Variants in IFT43 observed in about 807,000 individuals in gnomAD.
IFT43 encodes the protein intraflagellar transport 43.
Under a neutral mutation model 32.3 loss-of-function variants are expected in IFT43, and 33 were observed. The ratio of observed to expected loss-of-function variants is 1.02; its 90% confidence interval spans 0.77 to 1.37. The LOEUF is 1.37. Ranked by LOEUF, IFT43 falls within the 40% of genes most tolerant of loss-of-function variation. The pLI is 0.00. For synonymous variants in IFT43, 93 were observed against 98.2 expected (o/e 0.95, Z 0.31); for missense variants, 274 against 265.9 (o/e 1.03, Z -0.21).
Position 76,058,658 on chromosome 14 carries a change from T to G in IFT43, c.232T>G (p.Ser78Ala), listed in dbSNP as rs1212295033. ...VKASKFRRKASEEIEDFRLRP... is the reference protein window; with the variant it reads ...VKASKFRRKAAEEIEDFRLRP... ...TTTTTTCAGGTTTAGGAGGAAGGCT[T>G]CTGAAGAAATAGAAGAGTACGTTTC... The change falls in exon 4 of 9, where the codon TCT becomes GCT. Residue 78 changes from serine to alanine, a missense_variant. By Grantham distance (99) the Ser-to-Ala change is moderately conservative. Coordinates refer to ENST00000314067, the MANE Select transcript of IFT43 (RefSeq NM_001102564.3). 6.2e-7 allele frequency: 1 copy of G among 1,613,062 alleles called. No homozygotes were observed. The highest frequency in any genetic ancestry group is 2.2e-5 in the East Asian group (1 of 44,882).
At chr14:76,058,951 T>C in intron 4 of IFT43, 3 of 1,439,550 alleles carry the variant, frequency 2.1e-6, no homozygotes, top group East Asian at 5.0e-5. Flanking sequence ...TTCTGCATTA[T>C]TGATATAGAT....
chr14:76,076,432 C>A, intron 5 of IFT43: 1 of 397,058 alleles, frequency 2.5e-6, no homozygotes, highest in Non-Finnish European at 3.4e-6. Context: ...AAGCTCCCTG[C>A]CTGAGGCATC....
chr14:76,037,356 C>T lies in IFT43; in HGVS notation c.215+14962C>T, dbSNP rs376788190. The stretch of plus-strand genomic sequence containing the variant: ...GGGGGCAGGGCTGTGTGAGTCTCCA[C>T]TTTATAGCGCCCATCAGACTCCCCT... On this transcript the variant is annotated intron_variant, in intron 3 of 8. Coordinates refer to ENST00000314067, the MANE Select transcript of IFT43 (RefSeq NM_001102564.3). Among the ~76,000 whole-genome samples the T allele has an allele frequency of 1.2e-3, 179 of 152,306 alleles. 5 individuals are homozygous for T. In the South Asian group the frequency reaches 0.035, roughly 30 times the overall value.
In IFT43 at chr14:76,083,277, C is replaced by A; in HGVS notation, c.495C>A (p.His165Gln). The change falls in exon 8 of 9, where the codon CAC becomes CAA. Residue 165 changes from histidine to glutamine, a missense_variant. By Grantham distance (24) the His-to-Gln change is conservative. Transcript: ENST00000314067. Reference sequence around the variant, plus strand: ...TCACCAAAGTGCTCGCGCCGGAGCACGAAGTCCGGGAGGTACAGTGGTGGC... The same window carrying A: ...TCACCAAAGTGCTCGCGCCGGAGCAAGAAGTCCGGGAGGTACAGTGGTGGC... ...KLLTKVLAPE[H>Q]EVREDDVGWD... 6.2e-7 allele frequency: 1 copy of A among 1,613,880 alleles called. No homozygotes were observed. Among genetic ancestry groups the A allele is most frequent in the Non-Finnish European group, 8.5e-7 (1 of 1,179,778 alleles).
rs576868487 is a variant in IFT43 at position 76,083,648 on chromosome 14, C to T, written c.*71C>T. The T allele has an allele frequency of 9.1e-6, 13 of 1,424,352 alleles. No individual in the cohort carries two copies. Among genetic ancestry groups the T allele is most frequent in the South Asian group, 4.6e-5 (4 of 86,486 alleles). 88.2% of individuals were successfully genotyped at this position (1,424,352 alleles called of 1,614,324 possible). On this transcript the variant is annotated 3_prime_UTR_variant, in exon 9 of 9. Transcript: ENST00000314067. The stretch of plus-strand genomic sequence containing the variant: ...AGCTAAAGAAGCTTGTAAGCAGCTC[C>T]GAATTTTTACCTGGAATATTTTGTA...
chr14:76,015,773 C>A (rs1405775723), intron 2 of IFT43, among the ~76,000 whole-genome samples: 1 of 152,180 alleles, frequency 6.6e-6, no homozygotes, highest in Non-Finnish European at 1.5e-5. Flanking sequence ...CAAGATAAAG[C>A]TGATATTTTG....
At chr14:76,013,716 A>G (rs2036128918) in intron 2 of IFT43, 4 of 347,658 alleles carry the variant, frequency 1.2e-5, no homozygotes. Context: ...GCTTGAAGAA[A>G]TCCGCAAATG....
intron 3 of IFT43, 82 bp from the exon 4 acceptor site, chr14:76,058,560 T>C (rs1311082785): frequency 9.5e-6 from 15 of 1,574,348 alleles, no homozygotes; most frequent in Admixed American, 5.3e-5. Flanking sequence ...TGCCTCCACT[T>C]TTGAAACCTT....
At chr14:76,076,642 T>C (rs2037418083) in intron 5 of IFT43, 1 of 1,614,176 alleles carries the variant, frequency 6.2e-7, no homozygotes, top group Non-Finnish European at 8.5e-7. Context: ...ACGCATGCTA[T>C]CACAAAACGC....
intron 5 of IFT43, among the ~76,000 whole-genome samples, chr14:76,060,874 T>G (rs2037121122): frequency 7.9e-6 from 1 of 125,944 alleles, no homozygotes. Flanking sequence ...TTCTTTCCTT[T>G]TCCTGCTCTC....
At chr14:76,054,536 G>A (rs61979198) in intron 3 of IFT43, among the ~76,000 whole-genome samples, 6,444 of 152,338 alleles carry the variant, frequency 0.042, 192 homozygotes, top group Non-Finnish European at 0.062. Flanking sequence ...GTCCCTCTCT[G>A]TGTATAAAAT....
chr14:76,040,748 T>A (rs1256293184), intron 3 of IFT43, among the ~76,000 whole-genome samples: 1 of 152,202 alleles, frequency 6.6e-6, no homozygotes, highest in Admixed American at 6.5e-5. Flanking sequence ...AGCATTTGGA[T>A]ACTTTGCTTC....
At chr14:75,993,975 T>C (rs184325835) in intron 2 of IFT43, among the ~76,000 whole-genome samples, 6 of 152,230 alleles carry the variant, frequency 3.9e-5, no homozygotes, top group Admixed American at 6.5e-5. Flanking sequence ...TCAGGGGAGT[T>C]TTTAATGGGC....
At chr14:76,006,201 A>G (rs2035978492) in intron 2 of IFT43, among the ~76,000 whole-genome samples, 1 of 152,232 alleles carries the variant, frequency 6.6e-6, no homozygotes, top group Non-Finnish European at 1.5e-5. Flanking sequence ...ATCCATGTGG[A>G]TGCTGTGCTG....
rs147066084 is a variant in IFT43 at position 75,986,567 on chromosome 14, A to C, written c.54+727A>C. On this transcript the variant is annotated intron_variant, in intron 1 of 8. Transcript: ENST00000314067. ...ACAATACATGGGAAGCGTGTAACTCAGTGCTTGGCATATGTTATCACGGAA... is the reference window on the plus strand; with the variant it reads ...ACAATACATGGGAAGCGTGTAACTCCGTGCTTGGCATATGTTATCACGGAA... Among the ~76,000 whole-genome samples, 40 of 152,288 alleles carry C rather than the reference A, an allele frequency of 2.6e-4. No homozygotes were observed. In the East Asian group the frequency reaches 7.3e-3, roughly 28 times the overall value.
chr14:76,073,240 A>G (rs1039630875), intron 5 of IFT43, among the ~76,000 whole-genome samples: 1 of 152,174 alleles, frequency 6.6e-6, no homozygotes. Flanking sequence ...TGCTTTCCTA[A>G]ATAGAAGGCT....
At position 75,999,015 on chromosome 14, in the gene IFT43, G is replaced by A. The variant is rs538885563; in HGVS notation, c.147+10038G>A. ...CTCCCAAAGCTCTAGGATTATAGGC[G>A]TGAGCCACTATGCCTAGTTCCGACA... On this transcript the variant is annotated intron_variant, in intron 2 of 8. Transcript: ENST00000314067. 1.3e-3 allele frequency among the ~76,000 whole-genome samples: 194 copies of A among 151,868 alleles called. 4 individuals are homozygous for A. The South Asian group carries it at 0.018, about 14-fold the overall frequency.
At chr14:76,068,671 G>A (rs573504135) in intron 5 of IFT43, among the ~76,000 whole-genome samples, 1 of 152,308 alleles carries the variant, frequency 6.6e-6, no homozygotes, top group South Asian at 2.1e-4. Flanking sequence ...TTTCCAGCTT[G>A]CCCTAAGTCC....
intron 3 of IFT43, among the ~76,000 whole-genome samples, chr14:76,045,996 C>T (rs2036800872): frequency 6.6e-6 from 1 of 152,162 alleles, no homozygotes; most frequent in South Asian, 2.1e-4. Context: ...GACTGCCCTA[C>T]TATAAAGACC....
Sources: allele counts gnomAD v4.1 joint callset (sites outside exome capture counted in the v4.1 genomes callset), GRCh38; gene constraint gnomAD v4.1.1; transcripts MANE v1.5; gene names NCBI Gene and HGNC (gene_info 2026-07-23, HGNC 2026-07-21).